The following EFNA5 variants were observed in gnomAD, a reference collection of about 807,000 sequenced individuals.
The protein encoded by EFNA5 is ephrin A5.
EFNA5 carries 5 observed loss-of-function variants against 22.9 expected under a neutral mutation model. The observed-to-expected ratio is 0.22, with a 90% confidence interval of 0.11 to 0.46. The LOEUF (loss-of-function observed/expected upper bound fraction) is 0.46, where lower values mean the gene tolerates loss of function less well. Ranked by LOEUF, EFNA5 falls within the 20% of genes least tolerant of loss-of-function variation. The pLI, the probability that EFNA5 is intolerant of heterozygous loss-of-function variation, is 0.99. For synonymous variants in EFNA5, 113 were observed against 112.2 expected, an observed-to-expected ratio of 1.01 and a Z score of -0.04; for missense variants, 237 against 293.3, an observed-to-expected ratio of 0.81 and a Z score of 1.40.
intron 1 of EFNA5, among the ~76,000 whole-genome samples, chr5:107,453,946 AGT>A (rs5870261): frequency 0.55 from 81,676 of 149,176 alleles, 22,511 homozygotes; most frequent in East Asian, 0.68. Context: ...AAGGAGTGTG[AGT>A]GTGTGTGTGT....
chr5:107,522,389 TTTC>T (rs1001487490), intron 1 of EFNA5, among the ~76,000 whole-genome samples: 11 of 152,070 alleles, frequency 7.2e-5, no homozygotes, highest in African/African-American at 2.4e-4. Context: ...TCTCACTCTC[TTTC>T]TTTTTTTCTT....
At chr5:107,396,720 T>G (rs1380899114) in intron 2 of EFNA5, among the ~76,000 whole-genome samples, 1 of 150,374 alleles carries the variant, frequency 6.7e-6, no homozygotes, top group Non-Finnish European at 1.5e-5. Context: ...AGGGTGGGGG[T>G]GGTGATGAAG....
intron 1 of EFNA5, among the ~76,000 whole-genome samples, chr5:107,608,839 T>A (rs557426871): frequency 1.3e-3 from 194 of 152,334 alleles, no homozygotes; most frequent in African/African-American, 4.4e-3. Flanking sequence ...AGAAGCTGAA[T>A]AAAGAGATCA....
At chr5:107,414,270 C>G (rs1174329412) in intron 2 of EFNA5, among the ~76,000 whole-genome samples, 1 of 152,184 alleles carries the variant, frequency 6.6e-6, no homozygotes, top group African/African-American at 2.4e-5. Context: ...GACTTAAATT[C>G]CACCTTGTCC....
intron 1 of EFNA5, among the ~76,000 whole-genome samples, chr5:107,626,674 T>C (rs1750148113): frequency 6.6e-6 from 1 of 152,208 alleles, no homozygotes. Flanking sequence ...TTTGCCTTAA[T>C]AAAACATAAC....
At chr5:107,481,883 A>G (rs917191728) in intron 1 of EFNA5, among the ~76,000 whole-genome samples, 33 of 151,342 alleles carry the variant, frequency 2.2e-4, no homozygotes, top group Admixed American at 9.2e-4. Context: ...TGGAAAAGGG[A>G]TGATAGAGAG....
intron 2 of EFNA5, among the ~76,000 whole-genome samples, chr5:107,416,016 G>A (rs1748495723): frequency 6.6e-6 from 1 of 152,080 alleles, no homozygotes; most frequent in Non-Finnish European, 1.5e-5. Flanking sequence ...AATGACTCAG[G>A]GCACTGAAGA....
intron 1 of EFNA5, among the ~76,000 whole-genome samples, chr5:107,557,007 T>C (rs547463937): frequency 6.6e-6 from 1 of 152,138 alleles, no homozygotes; most frequent in East Asian, 1.9e-4. Context: ...AGACTAGTCA[T>C]ACCAAAGTTG....
At chr5:107,518,084 G>T (rs1242416695) in intron 1 of EFNA5, among the ~76,000 whole-genome samples, 2 of 151,982 alleles carry the variant, frequency 1.3e-5, no homozygotes, top group East Asian at 3.9e-4. Context: ...AAATTAGCAA[G>T]CCCCAGAGAC....
intron 1 of EFNA5, among the ~76,000 whole-genome samples, chr5:107,615,143 C>A (rs965258088): frequency 1.3e-5 from 2 of 151,928 alleles, no homozygotes; most frequent in East Asian, 3.9e-4. Context: ...TTCTCTTCCA[C>A]CTTTAAAAAA....
intron 1 of EFNA5, among the ~76,000 whole-genome samples, chr5:107,453,465 C>T (rs930375744): frequency 2.0e-5 from 3 of 152,134 alleles, no homozygotes; most frequent in Admixed American, 6.6e-5. Context: ...ATATGGGACT[C>T]TTTCTTATGC....
chr5:107,388,190 G>A (rs900887831), intron 2 of EFNA5, among the ~76,000 whole-genome samples: 1 of 152,100 alleles, frequency 6.6e-6, no homozygotes. Context: ...TGAAAGTGCC[G>A]GCAAAAACCA....
chr5:107,444,060 C>T (rs1302107227), intron 1 of EFNA5, among the ~76,000 whole-genome samples: 5 of 152,046 alleles, frequency 3.3e-5, no homozygotes, highest in Non-Finnish European at 7.4e-5. Context: ...TAACATCATC[C>T]ATGTGGACAC....
chr5:107,639,715 T>G (rs1290193411), intron 1 of EFNA5, among the ~76,000 whole-genome samples: 2 of 152,190 alleles, frequency 1.3e-5, no homozygotes, highest in African/African-American at 4.8e-5. Context: ...TTACCAATTA[T>G]TAGTGCCTTT....
At chr5:107,465,650 C>G (rs753102020) in intron 1 of EFNA5, among the ~76,000 whole-genome samples, 11 of 152,058 alleles carry the variant, frequency 7.2e-5, no homozygotes, top group Non-Finnish European at 1.5e-4. Context: ...TCATGCAAAT[C>G]CATCACAGCA....
intron 1 of EFNA5, among the ~76,000 whole-genome samples, chr5:107,575,765 G>T (rs1280050611): frequency 6.6e-6 from 1 of 152,160 alleles, no homozygotes; most frequent in East Asian, 1.9e-4. Context: ...CAAGGTATCA[G>T]GGAGAAAGAG....
rs181538077 is a variant in EFNA5, at chr5:107,461,821, T to A, written c.126-34312A>T. On this transcript the variant is annotated intron_variant, in intron 1 of 4. Transcript: ENST00000333274. ...TATAGGCATTGAGTAAATTTTTTTT[T>A]AAAAAAAGCATCTGTAATTTATTCA... Among the ~76,000 whole-genome samples, 433 of 152,074 alleles carry A rather than the reference T, an allele frequency of 2.8e-3. 2 individuals are homozygous for A. Among genetic ancestry groups the A allele is most frequent in the African/African-American group, 9.4e-3 (390 of 41,498 alleles).
At chr5:107,643,008 T>A (rs753978613) in intron 1 of EFNA5, among the ~76,000 whole-genome samples, 5 of 151,600 alleles carry the variant, frequency 3.3e-5, no homozygotes, top group Admixed American at 6.6e-5. Flanking sequence ...CTTTTCCTGA[T>A]TGAGTCTCAG....
At chr5:107,623,811 A>G (rs114166209) in intron 1 of EFNA5, among the ~76,000 whole-genome samples, 2,625 of 152,244 alleles carry the variant, frequency 0.017, 34 homozygotes, top group Middle Eastern at 0.031. Context: ...CAGTCACCCA[A>G]AAAATGACAA....
Sources: allele counts gnomAD v4.1 joint callset (sites outside exome capture counted in the v4.1 genomes callset), GRCh38; gene constraint gnomAD v4.1.1; transcripts MANE v1.5; gene names NCBI Gene and HGNC (gene_info 2026-07-23, HGNC 2026-07-21).